The following DLGAP2 variants were observed in gnomAD, a reference collection of about 807,000 sequenced individuals.
The protein encoded by DLGAP2 is disks large-associated protein 2.
A neutral mutation model predicts 100.3 loss-of-function variants in DLGAP2; 26 were observed. The ratio of observed to expected loss-of-function variants is 0.26; its 90% confidence interval spans 0.19 to 0.36. The LOEUF (loss-of-function observed/expected upper bound fraction) is 0.36, where lower values mean the gene tolerates loss of function less well. Among genes scored for constraint, DLGAP2 ranks in the 10% least tolerant of loss-of-function variants. DLGAP2 has a pLI of 1.00. For missense variants in DLGAP2, 1,858 were observed against 1,453.2 expected, an observed-to-expected ratio of 1.28 and a Z score of -4.53; for synonymous variants, 886 against 630.1, an observed-to-expected ratio of 1.41 and a Z score of -6.08.
At chr8:1,582,462 C>G (rs918989493) in intron 6 of DLGAP2, among the ~76,000 whole-genome samples, 4 of 149,560 alleles carry the variant, frequency 2.7e-5, no homozygotes, top group Non-Finnish European at 4.4e-5. Context: ...GCCCAGAATT[C>G]TAGAATGAGA....
At chr8:1,089,578 A>C (rs1454912493) in intron 2 of DLGAP2, among the ~76,000 whole-genome samples, 1 of 152,220 alleles carries the variant, frequency 6.6e-6, no homozygotes, top group Non-Finnish European at 1.5e-5. Flanking sequence ...GAGAGCACTG[A>C]GGCCCACTGC....
At chr8:1,592,997 C>T (rs1393151571) in intron 6 of DLGAP2, among the ~76,000 whole-genome samples, 91 of 152,258 alleles carry the variant, frequency 6.0e-4, no homozygotes, top group African/African-American at 2.0e-3. Context: ...ATGAAGTACT[C>T]AAATTATTTA....
intron 2 of DLGAP2, among the ~76,000 whole-genome samples, chr8:1,069,804 A>G (rs1280408051): frequency 6.6e-6 from 1 of 152,116 alleles, no homozygotes; most frequent in African/African-American, 2.4e-5. Context: ...TGCAGCCACA[A>G]TGCGTGTCTT....
chr8:1,386,097 A>G (rs1448986054), intron 3 of DLGAP2, among the ~76,000 whole-genome samples: 1 of 152,268 alleles, frequency 6.6e-6, no homozygotes, highest in Non-Finnish European at 1.5e-5. Flanking sequence ...ATCTCCCAGA[A>G]AACAGGAAAA....
At chr8:1,036,258 C>T (rs1172227119) in intron 2 of DLGAP2, among the ~76,000 whole-genome samples, 2 of 152,146 alleles carry the variant, frequency 1.3e-5, no homozygotes, top group East Asian at 3.9e-4. Context: ...CTCATCCCGA[C>T]CCCACATGTT....
Position 1,050,995 on chromosome 8 carries a change from GGAGTCATTTTGTGGT to G in DLGAP2, c.73+143031_73+143045del, listed in dbSNP as rs1802666713. On this transcript the variant is annotated intron_variant, in intron 2 of 14. Transcript: ENST00000637795. Reference sequence around the variant, plus strand: ...GTGGGTGGGGGTCATTTCGTGGGTGGGAGTCATTTTGTGGTGGGTCATTTCGTGGGTGGGGGTCAT... The same window carrying G: ...GTGGGTGGGGGTCATTTCGTGGGTGGGGGTCATTTCGTGGGTGGGGGTCAT... Among the ~76,000 whole-genome samples the G allele has an allele frequency of 1.7e-4, 5 of 30,144 alleles. No individual in the cohort carries two copies. In the South Asian group the frequency reaches 5.8e-3, roughly 35 times the overall value. The allele number at this position is 30,144 out of a possible 152,430, so 19.8% of individuals were successfully genotyped here.
At chr8:1,116,177 G>T (rs1472277363) in intron 2 of DLGAP2, among the ~76,000 whole-genome samples, 1 of 152,182 alleles carries the variant, frequency 6.6e-6, no homozygotes, top group African/African-American at 2.4e-5. Context: ...GCGTCAGCTG[G>T]GGACACCCGC....
intron 3 of DLGAP2, among the ~76,000 whole-genome samples, chr8:1,459,156 G>A (rs35941190): frequency 0.078 from 4,896 of 63,020 alleles, 477 homozygotes; most frequent in East Asian, 0.16. Flanking sequence ...CAAGACCAGC[G>A]TGCGTCCCAG....
chr8:1,274,218 T>C (rs1038046255), intron 3 of DLGAP2, among the ~76,000 whole-genome samples: 2 of 152,036 alleles, frequency 1.3e-5, no homozygotes, highest in African/African-American at 2.4e-5. Context: ...CTTAAACTTA[T>C]TTAACAAATA....
chr8:1,346,294 C>A (rs372669995), intron 3 of DLGAP2, among the ~76,000 whole-genome samples: 1 of 151,502 alleles, frequency 6.6e-6, no homozygotes, highest in Admixed American at 6.6e-5. Context: ...TACACATCTG[C>A]ATTGCTCTCA....
At chr8:961,565 C>T (rs1243781183) in intron 2 of DLGAP2, among the ~76,000 whole-genome samples, 2 of 152,204 alleles carry the variant, frequency 1.3e-5, no homozygotes, top group Admixed American at 1.3e-4. Flanking sequence ...GCTGTCCTGG[C>T]TGTGCAACAG....
chr8:1,087,958 C>T (rs986882421), intron 2 of DLGAP2, among the ~76,000 whole-genome samples: 3 of 152,238 alleles, frequency 2.0e-5, no homozygotes, highest in East Asian at 1.9e-4. Context: ...AGTGCCAGTT[C>T]CTGGGCTATG....
In DLGAP2 at chr8:1,223,125, A is replaced by G. The variant is rs1388477024; in HGVS notation, c.74-35726A>G. On this transcript the variant is annotated intron_variant, in intron 2 of 14. Coordinates refer to ENST00000637795, the MANE Select transcript of DLGAP2 (RefSeq NM_001346810.2). ...TGGGATCGGGGAGATCCATGTGAAG[A>G]GTGGGCCACTCCATGCCTGTTTCCC... Among the ~76,000 whole-genome samples, 7 of 152,136 alleles carry G rather than the reference A, an allele frequency of 4.6e-5. No homozygotes were observed. In the South Asian group the frequency reaches 1.0e-3, roughly 23 times the overall value.
intron 2 of DLGAP2, among the ~76,000 whole-genome samples, chr8:1,102,252 AATAT>A (rs972606365): frequency 6.1e-5 from 9 of 147,850 alleles, no homozygotes; most frequent in African/African-American, 2.2e-4. Context: ...GATTAATATT[AATAT>A]ATATTTACAT....
intron 3 of DLGAP2, among the ~76,000 whole-genome samples, chr8:1,363,254 A>C (rs1449673980): frequency 2.0e-5 from 3 of 152,152 alleles, no homozygotes; most frequent in Admixed American, 2.0e-4. Flanking sequence ...AGCATCCCGA[A>C]AGCGCCCCCA....
At chr8:1,096,520 G>C (rs1804373158) in intron 2 of DLGAP2, among the ~76,000 whole-genome samples, 1 of 151,800 alleles carries the variant, frequency 6.6e-6, no homozygotes, top group Non-Finnish European at 1.5e-5. Context: ...GGCATGGAGA[G>C]GACCCCTCCA....
At chr8:1,261,489 A>T (rs1209044227) in intron 3 of DLGAP2, among the ~76,000 whole-genome samples, 2 of 150,142 alleles carry the variant, frequency 1.3e-5, no homozygotes, top group Non-Finnish European at 3.0e-5. Flanking sequence ...CTGTACTCCA[A>T]ATAAGAAGAC....
At chr8:1,267,734 G>T (rs1350426851) in intron 3 of DLGAP2, among the ~76,000 whole-genome samples, 1 of 152,020 alleles carries the variant, frequency 6.6e-6, no homozygotes, top group East Asian at 1.9e-4. Flanking sequence ...CAACTCTGTT[G>T]GACTTCCTTT....
intron 3 of DLGAP2, among the ~76,000 whole-genome samples, chr8:1,423,647 C>A (rs913093772): frequency 6.6e-6 from 1 of 152,186 alleles, no homozygotes; most frequent in Admixed American, 6.5e-5. Context: ...TTATTGAACT[C>A]TTGGAGGAAT....
Sources: gnomAD v4.1 joint callset for allele counts (sites outside exome capture counted in the v4.1 genomes callset) on GRCh38, gnomAD v4.1.1 for gene constraint, MANE v1.5 for transcripts, NCBI Gene and HGNC (gene_info 2026-07-23, HGNC 2026-07-21) for gene names.